COL16A1: variants seen among roughly 807,000 people sequenced by gnomAD.
COL16A1 encodes the protein collagen alpha-1(XVI) chain.
A neutral mutation model predicts 266.3 loss-of-function variants in COL16A1; 189 were observed. The observed-to-expected ratio is 0.71, with a 90% CI of 0.63 to 0.80. The LOEUF is 0.80. Among genes scored for constraint, COL16A1 ranks in the 30% least tolerant of loss-of-function variants. The pLI is 0.00. For missense variants in COL16A1, 1,928 were observed against 2,122.4 expected (o/e 0.91, Z 1.80); for synonymous variants, 740 against 782.3 (o/e 0.95, Z 0.90).
chr1:31,665,800 G>C lies in COL16A1; in HGVS notation c.3456+82C>G, dbSNP rs1435316605. ...TAGGTCACAACCCAAGGACAGGTAG[G>C]GTGGGGAGACTAGAGCTGGTGATCA... On this transcript the variant is annotated intron_variant, in intron 54 of 70. Transcript: ENST00000373672. 4 of 1,608,174 alleles carry C rather than the reference G, an allele frequency of 2.5e-6. No homozygotes were observed. The East Asian group carries it at 6.7e-5, about 27-fold the overall frequency.
rs1206678464 is a variant in COL16A1 at position 31,684,618 on chromosome 1, T to A, written c.2065A>T (p.Asn689Tyr). The A allele has an allele frequency of 6.2e-7, 1 of 1,613,812 alleles. No homozygotes were observed. Among genetic ancestry groups the A allele is most frequent in the East Asian group, 2.2e-5 (1 of 44,844 alleles). Residue 689 changes from asparagine (N) to tyrosine (Y), a missense_variant, in exon 31 of 71, where the codon AAT becomes TAT. Transcript: ENST00000373672. ...CCCGGCGTTCCAGGGTCTCCAGGAT[T>A]CCCAGCATCACCCTGTAAGGAGTGG... is the stretch of plus-strand genomic sequence containing the variant. ...GLKGQKGDAG[N>Y]PGDPGTPGTT...
intron 42 of COL16A1, chr1:31,679,080 TCTC>T (rs1245830272): frequency 5.4e-6 from 1 of 183,574 alleles, no homozygotes; most frequent in East Asian, 1.4e-4. Flanking sequence ...TGCAAATACT[TCTC>T]CTGCCCTCAT....
intron 10 of COL16A1, 98 bp downstream of exon 10, chr1:31,695,663 G>A: frequency 1.7e-6 from 2 of 1,164,894 alleles, no homozygotes; most frequent in Non-Finnish European, 2.5e-6. Flanking sequence ...GAGCTGTGTA[G>A]TCAGCCAGCA....
At chr1:31,660,513 C>A in intron 62 of COL16A1, 72 bp downstream of exon 62, 1 of 1,591,676 alleles carries the variant, frequency 6.3e-7, no homozygotes. Flanking sequence ...GTCATGACAG[C>A]CTATGCACCA....
At chr1:31,703,133 G>A (rs893211208) in intron 1 of COL16A1, among the ~76,000 whole-genome samples, 4 of 152,106 alleles carry the variant, frequency 2.6e-5, no homozygotes, top group Non-Finnish European at 4.4e-5. Context: ...GCATGCTCAC[G>A]GAAACATATG....
chr1:31,662,598 G>A lies in COL16A1; in HGVS notation c.3616C>T (p.Pro1206Ser). The change falls in exon 57 of 71, where the codon CCT (proline) becomes TCT (serine). Residue 1206 changes from proline to serine, a missense_variant. By Grantham distance (74) the Pro-to-Ser change is moderately conservative. This residue lies in a region of COL16A1 where 1,552 missense variants were observed against 1,637.2 expected (regional missense o/e 0.95). Coordinates refer to ENST00000373672, the MANE Select transcript of COL16A1 (RefSeq NM_001856.4). ...LPGSPGPPGP[P>S]GIQGPAGLDG... ...GGGCACACACTCACCTGAATCCCAG[G>A]AGGTCCCGGTGGCCCAGGGGAGCCA... The A allele has an allele frequency of 6.4e-7, 1 of 1,567,768 alleles. No homozygotes were observed. The highest frequency in any genetic ancestry group is 8.6e-7 in the Non-Finnish European group (1 of 1,156,566).
rs1557684535 is a variant in COL16A1, at chr1:31,692,063, T to TGG, written c.1197_1198dup (p.Gln400ProfsTer62). On this transcript the variant is annotated frameshift_variant, in exon 17 of 71. Coordinates refer to ENST00000373672, the MANE Select transcript of COL16A1 (RefSeq NM_001856.4). LOFTEE classifies it high-confidence loss of function. The stretch of plus-strand genomic sequence containing the variant: ...GCCTCCGTCGCCCTTCTCGCCTTTC[T>TGG]GGCCCTGGGGAAGGAAGAAGCAGAG... 1 of 1,613,772 alleles carries TGG rather than the reference T, an allele frequency of 6.2e-7. No individual in the cohort carries two copies. The highest frequency in any genetic ancestry group is 2.2e-5 in the East Asian group (1 of 44,878).
intron 57 of COL16A1, 72 bp downstream of exon 57, chr1:31,662,515 A>G: frequency 3.9e-6 from 6 of 1,530,258 alleles, no homozygotes; most frequent in Non-Finnish European, 5.3e-6. Flanking sequence ...ACACAGGTGC[A>G]CACACACACA....
intron 21 of COL16A1, 64 bp downstream of exon 21, chr1:31,690,465 C>A: frequency 6.2e-7 from 1 of 1,614,224 alleles, no homozygotes; most frequent in Non-Finnish European, 8.5e-7. Context: ...GCCGGAGGAC[C>A]TAGCCCCTCC....
At chr1:31,690,114 G>A in intron 22 of COL16A1, 2 of 641,850 alleles carry the variant, frequency 3.1e-6, no homozygotes, top group South Asian at 2.0e-5. Flanking sequence ...ATGGAAACTT[G>A]GGCTAAGAGA....
intron 49 of COL16A1, chr1:31,669,820 TGAC>T (rs907495771): frequency 3.3e-5 from 5 of 152,172 alleles, no homozygotes; most frequent in African/African-American, 1.2e-4. Context: ...CCTGTGACGA[TGAC>T]GAAGGCAGAG....
chr1:31,688,796 A>C lies in COL16A1; in HGVS notation c.1767+65T>G, dbSNP rs1258642251. ...CCTGAGACTTGGGATCTGAAAAGCC[A>C]GGGAGATCAACAGTATGGCAAGGAT... On this transcript the variant is annotated intron_variant, in intron 25 of 70. Transcript: ENST00000373672. This position sits in a 1 kb window ranked among gnomAD's most constrained non-coding sequence, Gnocchi z 4.9. The C allele has an allele frequency of 6.7e-6, 10 of 1,499,394 alleles. No homozygotes were observed. Among genetic ancestry groups the C allele is most frequent in the Non-Finnish European group, 9.1e-6 (10 of 1,095,124 alleles). The allele number at this position is 1,499,394 out of a possible 1,614,324, so 92.9% of individuals were successfully genotyped here. A position where few individuals can be genotyped will look rare whatever the true frequency, so the allele number is the denominator to read the frequency against.
rs564983679 is a variant in COL16A1, at chr1:31,698,218, G to A, written c.391-46C>T. 5.2e-5 allele frequency: 84 copies of A among 1,606,462 alleles called. 1 individual carries two copies. In the South Asian group the frequency reaches 8.4e-4, roughly 16 times the overall value. ...GAAAGGACAGAGATTCAGAGCTCCA[G>A]AGTCACACCATGGGCACGTTCAGGG... On this transcript the variant is annotated intron_variant, in intron 5 of 70. Coordinates refer to ENST00000373672, the MANE Select transcript of COL16A1 (RefSeq NM_001856.4). This position sits in a 1 kb window ranked among gnomAD's most constrained non-coding sequence, Gnocchi z 4.1.
intron 42 of COL16A1, chr1:31,679,309 A>G: frequency 8.7e-7 from 1 of 1,151,358 alleles, no homozygotes; most frequent in Non-Finnish European, 1.2e-6. Flanking sequence ...CACATGTTGC[A>G]TGAATGAGTG....
chr1:31,689,511 C>T, intron 23 of COL16A1: 1 of 583,988 alleles, frequency 1.7e-6, no homozygotes, highest in East Asian at 2.8e-5. Context: ...CTAGAGTCTC[C>T]TGGAAAGCCC....
At position 31,694,184 on chromosome 1, in the gene COL16A1, G is replaced by A. The variant is rs369289394; in HGVS notation, c.982-14C>T. Reference sequence around the variant, plus strand: ...AGCAAGTGTGACCTGAGGGGACAGAGGAGAGGGCATCACACTTCCGGTAGA... The same window carrying A: ...AGCAAGTGTGACCTGAGGGGACAGAAGAGAGGGCATCACACTTCCGGTAGA... On this transcript the variant is annotated splice_polypyrimidine_tract_variant and intron_variant, in intron 11 of 70. Coordinates refer to ENST00000373672, the MANE Select transcript of COL16A1 (RefSeq NM_001856.4). 1.9e-6 allele frequency: 3 copies of A among 1,580,098 alleles called. No homozygotes were observed. Among genetic ancestry groups the A allele is most frequent in the East Asian group, 2.3e-5 (1 of 43,238 alleles).
intron 57 of COL16A1, 82 bp from the exon 58 acceptor site, chr1:31,662,469 C>T (rs1182385821): frequency 2.6e-6 from 4 of 1,564,522 alleles, no homozygotes; most frequent in Non-Finnish European, 3.5e-6. Flanking sequence ...CCTCAATTCT[C>T]TCCACCCCTC....
intron 37 of COL16A1, among the ~76,000 whole-genome samples, chr1:31,682,357 A>T (rs1381307365): frequency 1.3e-5 from 2 of 152,354 alleles, no homozygotes; most frequent in South Asian, 4.1e-4. Flanking sequence ...CGTCTGATAC[A>T]GTAGTCCATA....
At position 31,700,101 on chromosome 1, in the gene COL16A1, G is replaced by A; in HGVS notation, c.88C>T (p.Pro30Ser). The A allele has an allele frequency of 6.2e-7, 1 of 1,614,194 alleles. No homozygotes were observed. The highest frequency in any genetic ancestry group is 8.5e-7 in the Non-Finnish European group (1 of 1,180,036). Residue 30 changes from proline (P) to serine (S), a missense_variant, in exon 3 of 71, where the codon CCT becomes TCT. Coordinates refer to ENST00000373672, the MANE Select transcript of COL16A1 (RefSeq NM_001856.4). ...HGANTGAQCPPSQQEGLKLEH... is the reference protein window; with the variant it reads ...HGANTGAQCPSSQQEGLKLEH... ...AATTTGAGTCCTTCCTGCTGTGAAG[G>A]TGGGCATTGTGCACCTAGAAGAGAA...
Sources: allele counts gnomAD v4.1 joint callset (sites outside exome capture counted in the v4.1 genomes callset), GRCh38; gene constraint gnomAD v4.1.1; regional missense constraint gnomAD v4.1.1; non-coding constraint Gnocchi (gnomAD v3.1); transcripts MANE v1.5; gene names NCBI Gene and HGNC (gene_info 2026-07-23, HGNC 2026-07-21).